RHD: variants seen among roughly 807,000 people sequenced by gnomAD.
RHD encodes Rh blood group D antigen.
A neutral mutation model predicts 45.5 loss-of-function variants in RHD; 16 were observed. The observed-to-expected ratio is 0.35, with a 90% CI of 0.24 to 0.53. The LOEUF is 0.53. Ranked by LOEUF, RHD falls within the 20% of genes least tolerant of loss-of-function variation. The probability of loss-of-function intolerance (pLI) is 0.92; values close to 1 mark genes in which losing one functional copy is unlikely to be tolerated. For missense variants in RHD, 306 were observed against 532.0 expected (o/e 0.58, Z 4.18); for synonymous variants, 131 against 217.5 (o/e 0.60, Z 3.50).
At chr1:25,316,061 T>C (rs1321027388) in intron 7 of RHD, among the ~76,000 whole-genome samples, 1 of 131,022 alleles carries the variant, frequency 7.6e-6, no homozygotes, top group African/African-American at 2.6e-5. Flanking sequence ...GCTTGTTATG[T>C]ACAACTATCC....
intron 1 of RHD, among the ~76,000 whole-genome samples, chr1:25,277,496 C>T (rs568177630): frequency 7.5e-6 from 1 of 133,304 alleles, no homozygotes; most frequent in East Asian, 1.9e-4. Context: ...CATGAAAGTT[C>T]GAGAATTCCT....
Position 25,307,778 on chromosome 1 carries a change from C to A in RHD, c.1073+1049C>A, listed in dbSNP as rs1330699595. ...GGTTCTTGGATGCCTTCTACAGAGA[C>A]AACCATAGCCCCAAATTATAGGGAT... On this transcript the variant is annotated intron_variant, in intron 7 of 9. Transcript: ENST00000328664. 5 of 1,302,138 alleles carry A rather than the reference C, an allele frequency of 3.8e-6. No homozygotes were observed. In the African/African-American group the frequency reaches 7.3e-5, roughly 19 times the overall value. 80.7% of individuals were successfully genotyped at this position (1,302,138 alleles called of 1,614,324 possible).
chr1:25,290,606 T>G, intron 2 of RHD, 35 bp from the exon 3 acceptor site: 1 of 1,339,214 alleles, frequency 7.5e-7, no homozygotes, highest in Non-Finnish European at 1.1e-6. Flanking sequence ...GCATCCTTCC[T>G]TCTCAGTCGT....
intron 3 of RHD, among the ~76,000 whole-genome samples, chr1:25,298,623 A>G (rs1407143917): frequency 7.6e-6 from 1 of 131,888 alleles, no homozygotes; most frequent in Non-Finnish European, 1.8e-5. Context: ...TCTTATCAGG[A>G]AACTGCATAG....
In RHD at chr1:25,299,245, G is replaced by A. The variant is rs188158035; in HGVS notation, c.487-1701G>A. 9.2e-4 allele frequency among the ~76,000 whole-genome samples: 119 copies of A among 129,046 alleles called. 23 individuals carry two copies. The highest frequency in any genetic ancestry group is 8.2e-3 in the Middle Eastern group (2 of 244). The allele number at this position is 129,046 out of a possible 152,430, so 84.7% of individuals were successfully genotyped here. A position where few individuals can be genotyped will look rare whatever the true frequency, so the allele number is the denominator to read the frequency against. The stretch of plus-strand genomic sequence containing the variant: ...AAAAATACAAAAATTAGCCGGGCAC[G>A]GTGGTGGGTGCCTGTAATCCCAGCT... On this transcript the variant is annotated intron_variant, in intron 3 of 9. Coordinates refer to ENST00000328664, the MANE Select transcript of RHD (RefSeq NM_016124.6).
In RHD at chr1:25,300,973, A is replaced by G. The variant is rs17421151; in HGVS notation, c.514A>G (p.Ile172Val). 5 of 1,373,966 alleles carry G rather than the reference A, an allele frequency of 3.6e-6. No homozygotes were observed. The South Asian group carries it at 5.9e-5, about 16-fold the overall frequency. The allele number at this position is 1,373,966 out of a possible 1,614,324, so 85.1% of individuals were successfully genotyped here. A position where few individuals can be genotyped will look rare whatever the true frequency, so the allele number is the denominator to read the frequency against. ...NTDYHMNMMH[I>V]YVFAAYFGLS... is the part of the protein sequence containing the mutation. The stretch of plus-strand genomic sequence containing the variant: ...AGACTACCACATGAACATGATGCAC[A>G]TCTACGTGTTCGCAGCCTATTTTGG... Residue 172 changes from isoleucine to valine, a missense_variant, in exon 4 of 10, where the codon ATC becomes GTC. Coordinates refer to ENST00000328664, the MANE Select transcript of RHD (RefSeq NM_016124.6).
intron 8 of RHD, among the ~76,000 whole-genome samples, chr1:25,320,844 C>G (rs1644658360): frequency 7.6e-6 from 1 of 131,128 alleles, no homozygotes; most frequent in African/African-American, 2.6e-5. Flanking sequence ...GTGTTCAAGA[C>G]CAGCCTGGGC....
At chr1:25,316,380 G>T (rs1424029318) in intron 7 of RHD, among the ~76,000 whole-genome samples, 2 of 129,574 alleles carry the variant, frequency 1.5e-5, no homozygotes, top group African/African-American at 2.7e-5. Flanking sequence ...AGCACTTTGG[G>T]AGGCCGAGGC....
Position 25,274,092 on chromosome 1 carries a change from T to A in RHD, c.148+1397T>A, listed in dbSNP as rs603347. ...ATGACATCCAATGTGGGATCCAGAC[T>A]CATGATGATTAGAGCTGATATTTAT... On this transcript the variant is annotated intron_variant, in intron 1 of 9. Transcript: ENST00000328664. Among the ~76,000 whole-genome samples the A allele has an allele frequency of 1.7e-4, 23 of 132,770 alleles. 2 individuals are homozygous for A. Among genetic ancestry groups the A allele is most frequent in the African/African-American group, 4.6e-4 (18 of 38,870 alleles). 87.1% of individuals were successfully genotyped at this position (132,770 alleles called of 152,430 possible).
Position 25,323,375 on chromosome 1 carries a change from C to T in RHD, c.1227+1413C>T, listed in dbSNP as rs1644818055. On this transcript the variant is annotated intron_variant, in intron 9 of 9. Coordinates refer to ENST00000328664, the MANE Select transcript of RHD (RefSeq NM_016124.6). ...TCACTTCCACACACTTCCTCCTGCT[C>T]CTTTGAAATTCCTCCCTCCCTACCC... Among the ~76,000 whole-genome samples the T allele has an allele frequency of 3.8e-5, 4 of 105,890 alleles. 2 individuals are homozygous for T. The Admixed American group carries it at 3.9e-4, about 10-fold the overall frequency. 69.5% of individuals were successfully genotyped at this position (105,890 alleles called of 152,430 possible). A position where few individuals can be genotyped will look rare whatever the true frequency, so the allele number is the denominator to read the frequency against.
intron 3 of RHD, 130 bp downstream of exon 3, chr1:25,290,921 A>G: frequency 1.0e-6 from 1 of 976,572 alleles, no homozygotes; most frequent in African/African-American, 1.6e-5. Context: ...AGGAGGGAAG[A>G]TCACTTGAGG....
chr1:25,307,995 G>C (rs115030179), intron 7 of RHD, among the ~76,000 whole-genome samples: 1 of 120,142 alleles, frequency 8.3e-6, no homozygotes, highest in African/African-American at 2.9e-5. Flanking sequence ...ACCTAGCAAG[G>C]TCCTACTCAC....
chr1:25,285,098 A>G (rs1257752903), intron 2 of RHD, among the ~76,000 whole-genome samples: 1 of 133,786 alleles, frequency 7.5e-6, no homozygotes, highest in Non-Finnish European at 1.8e-5. Flanking sequence ...CGTTAGACAG[A>G]GAGAAATAGA....
intron 1 of RHD, among the ~76,000 whole-genome samples, chr1:25,274,135 C>T (rs1278216430): frequency 1.5e-5 from 2 of 132,204 alleles, no homozygotes; most frequent in African/African-American, 5.2e-5. Context: ...TACTATGTAC[C>T]AGGCACTATT....
At chr1:25,277,861 A>G (rs1259499574) in intron 1 of RHD, among the ~76,000 whole-genome samples, 1 of 130,496 alleles carries the variant, frequency 7.7e-6, no homozygotes, top group Non-Finnish European at 1.8e-5. Context: ...TTTAGTAGAG[A>G]TGGGGTTTCT....
At chr1:25,328,855 T>C (rs948060536) in intron 9 of RHD, 43 bp from the exon 10 acceptor site, 3 of 966,688 alleles carry the variant, frequency 3.1e-6, no homozygotes, top group African/African-American at 1.9e-5. Flanking sequence ...AAAATCAGTA[T>C]GTGGGTTCAT....
rs1261670467 is a variant in RHD at position 25,307,204 on chromosome 1, G to C, written c.1073+475G>C. On this transcript the variant is annotated intron_variant, in intron 7 of 9. Transcript: ENST00000328664. ...CTACTGGATTTAATAAGCTAATGCA[G>C]GGACATGCTAAGCACAACCCATCCC... is the stretch of plus-strand genomic sequence containing the variant. Among the ~76,000 whole-genome samples the C allele has an allele frequency of 3.0e-5, 4 of 132,280 alleles. 1 individual carries two copies. The highest frequency in any genetic ancestry group is 7.1e-5 in the Non-Finnish European group (4 of 55,966). The allele number at this position is 132,280 out of a possible 152,430, so 86.8% of individuals were successfully genotyped here.
chr1:25,315,642 G>A lies in RHD; in HGVS notation c.1074-1358G>A, dbSNP rs3118452. On this transcript the variant is annotated intron_variant, in intron 7 of 9. Transcript: ENST00000328664. ...CTCCTGAGTAGCTGGGACTACAGGC[G>A]CCTGCCACCACTCCCGGCTAATGTT... Among the ~76,000 whole-genome samples the A allele has an allele frequency of 3.0e-4, 38 of 126,240 alleles. 5 individuals are homozygous for A. Among genetic ancestry groups the A allele is most frequent in the Middle Eastern group, 4.2e-3 (1 of 236 alleles). 82.8% of individuals were successfully genotyped at this position (126,240 alleles called of 152,430 possible). A position where few individuals can be genotyped will look rare whatever the true frequency, so the allele number is the denominator to read the frequency against.
intron 8 of RHD, among the ~76,000 whole-genome samples, chr1:25,321,603 G>A (rs11485914): frequency 1.6e-5 from 2 of 126,384 alleles, no homozygotes; most frequent in Non-Finnish European, 3.7e-5. Flanking sequence ...CTGGGAGGCA[G>A]AGGCTGCAGT....
Sources: gnomAD v4.1 joint callset for allele counts (sites outside exome capture counted in the v4.1 genomes callset) on GRCh38, gnomAD v4.1.1 for gene constraint, MANE v1.5 for transcripts, NCBI Gene and HGNC (gene_info 2026-07-23, HGNC 2026-07-21) for gene names.